Variants in DTL observed in about 807,000 individuals in gnomAD.
DTL encodes denticleless protein homolog.
DTL carries 46 observed loss-of-function variants against 87.0 expected under a neutral mutation model. The ratio of observed to expected loss-of-function variants is 0.53; its 90% CI spans 0.42 to 0.68. The LOEUF is 0.68. DTL is among the 30% of genes least tolerant of loss of function. The pLI is 0.00. For missense variants in DTL, 737 were observed against 869.4 expected (o/e 0.85, Z 1.91); for synonymous variants, 308 against 311.2 (o/e 0.99, Z 0.11).
At chr1:212,039,804 G>T (rs1476698111) in intron 1 of DTL, among the ~76,000 whole-genome samples, 2 of 152,184 alleles carry the variant, frequency 1.3e-5, no homozygotes, top group Non-Finnish European at 2.9e-5. Context: ...AAAAGGTTCA[G>T]TAAAAATAGG....
intron 3 of DTL, among the ~76,000 whole-genome samples, chr1:212,045,924 T>TTTG (rs10636026): frequency 0.36 from 54,896 of 150,646 alleles, 10,749 homozygotes; most frequent in Middle Eastern, 0.46. Context: ...TGTTTTTGGT[T>TTTG]TTGTTGTTGT....
chr1:212,039,351 G>T (rs183336849), intron 1 of DTL, among the ~76,000 whole-genome samples: 5 of 152,202 alleles, frequency 3.3e-5, no homozygotes, highest in Admixed American at 2.0e-4. Context: ...CTTAGTTAAG[G>T]TTCCACCAGT....
chr1:212,072,275 G>T, intron 11 of DTL, 62 bp downstream of exon 11: 2 of 1,278,700 alleles, frequency 1.6e-6, no homozygotes, highest in South Asian at 2.4e-5. Context: ...TATTTGTTCT[G>T]TCCAATATGA....
chr1:212,044,620 T>G, intron 2 of DTL, 40 bp from the exon 3 acceptor site: 1 of 1,251,290 alleles, frequency 8.0e-7, no homozygotes. Context: ...AAAAAAAAAT[T>G]GTGTTACTCT....
At chr1:212,089,177 A>C (rs527276651) in intron 13 of DTL, among the ~76,000 whole-genome samples, 1 of 152,362 alleles carries the variant, frequency 6.6e-6, no homozygotes, top group South Asian at 2.1e-4. Flanking sequence ...GCAATAACTC[A>C]GTCTATGCTA....
intron 5 of DTL, among the ~76,000 whole-genome samples, chr1:212,055,613 G>A (rs61828544): frequency 5.3e-5 from 8 of 152,144 alleles, no homozygotes; most frequent in Non-Finnish European, 1.0e-4. Context: ...CAGGGCAGAG[G>A]TGTAAGCAAA....
intron 5 of DTL, among the ~76,000 whole-genome samples, chr1:212,058,807 A>G (rs1668253543): frequency 6.6e-6 from 1 of 152,042 alleles, no homozygotes; most frequent in African/African-American, 2.4e-5. Flanking sequence ...CTAACCACGA[A>G]AAAAAAGAAA....
At chr1:212,102,378 C>T (rs775030187) in intron 14 of DTL, among the ~76,000 whole-genome samples, 1 of 151,908 alleles carries the variant, frequency 6.6e-6, no homozygotes, top group Non-Finnish European at 1.5e-5. Context: ...ATCTTAAAAT[C>T]TTTAAAAAGT....
intron 2 of DTL, among the ~76,000 whole-genome samples, 179 bp from the exon 3 acceptor site, chr1:212,044,481 G>A (rs1450386692): frequency 6.6e-6 from 1 of 152,050 alleles, no homozygotes; most frequent in African/African-American, 2.4e-5. Flanking sequence ...GCGCATGCCT[G>A]TAATCCCACC....
At position 212,103,494 on chromosome 1, in the gene DTL, T is replaced by A. The variant is rs965976351; in HGVS notation, c.*554T>A. On this transcript the variant is annotated 3_prime_UTR_variant, in exon 15 of 15. Coordinates refer to ENST00000366991, the MANE Select transcript of DTL (RefSeq NM_016448.4). ...AAAATGTGATGCTCAGATAAGTACA[T>A]TTATATCAGTTCAGTGTTAAAATGC... 6.6e-6 allele frequency: 1 copy of A among 152,258 alleles called. No individual in the cohort carries two copies. The highest frequency in any genetic ancestry group is 2.4e-5 in the African/African-American group (1 of 41,468). 9.4% of individuals were successfully genotyped at this position (152,258 alleles called of 1,614,324 possible).
intron 13 of DTL, among the ~76,000 whole-genome samples, chr1:212,096,970 A>G (rs984524731): frequency 3.3e-5 from 5 of 152,072 alleles, no homozygotes; most frequent in African/African-American, 1.2e-4. Flanking sequence ...ATGAGATTCT[A>G]TTTTTGTGTA....
intron 13 of DTL, among the ~76,000 whole-genome samples, chr1:212,087,511 C>G (rs892272493): frequency 6.6e-6 from 1 of 151,694 alleles, no homozygotes; most frequent in Non-Finnish European, 1.5e-5. Flanking sequence ...GATCACGCCA[C>G]TGCACTCCAG....
At chr1:212,060,299 T>C (rs1015037787) in intron 5 of DTL, among the ~76,000 whole-genome samples, 2 of 152,016 alleles carry the variant, frequency 1.3e-5, no homozygotes, top group Admixed American at 6.6e-5. Flanking sequence ...TGGAACAGAA[T>C]AGAGAATTCA....
Position 212,080,607 on chromosome 1 carries a change from C to T in DTL, c.1126-8C>T. ...TTTCTTAATTCCCTTCTTGGTACTC[C>T]CTCTTAGATTGCTACCTGTTCTGAT... On this transcript the variant is annotated splice_region_variant and splice_polypyrimidine_tract_variant and intron_variant, in intron 12 of 14. Transcript: ENST00000366991. 1.9e-6 allele frequency: 3 copies of T among 1,600,420 alleles called. No individual in the cohort carries two copies. The highest frequency in any genetic ancestry group is 2.6e-6 in the Non-Finnish European group (3 of 1,174,584).
chr1:212,069,779 C>T (rs563182022), intron 10 of DTL, among the ~76,000 whole-genome samples: 1 of 151,916 alleles, frequency 6.6e-6, no homozygotes. Context: ...CTCCTGACCT[C>T]ATGATCCACC....
chr1:212,059,534 G>A (rs145095667), intron 5 of DTL, among the ~76,000 whole-genome samples: 1 of 151,922 alleles, frequency 6.6e-6, no homozygotes, highest in African/African-American at 2.4e-5. Context: ...ACATAAAAAG[G>A]CTGTATATGA....
intron 11 of DTL, among the ~76,000 whole-genome samples, chr1:212,076,288 T>G (rs536968482): frequency 1.6e-4 from 25 of 152,172 alleles, no homozygotes; most frequent in Non-Finnish European, 3.1e-4. Context: ...CTGAGGAAAC[T>G]TCCCCCCACT....
At chr1:212,066,747 TG>T in intron 7 of DTL, 64 bp from the exon 8 acceptor site, 1 of 1,508,266 alleles carries the variant, frequency 6.6e-7, no homozygotes, top group Non-Finnish European at 9.2e-7. Context: ...TTTAGCACCT[TG>T]TTCCCTTGAT....
At position 212,060,008 on chromosome 1, in the gene DTL, G is replaced by A. The variant is rs182479557; in HGVS notation, c.461-2876G>A. Among the ~76,000 whole-genome samples the A allele has an allele frequency of 7.2e-5, 11 of 152,128 alleles. No individual in the cohort carries two copies. The East Asian group carries it at 1.4e-3, about 19-fold the overall frequency. ...CCTCTATAAGGAAAAGTATGAAACCGATCAAAGAAATTGAAGAGGAGACAA... is the reference window on the plus strand; with the variant it reads ...CCTCTATAAGGAAAAGTATGAAACCAATCAAAGAAATTGAAGAGGAGACAA... On this transcript the variant is annotated intron_variant, in intron 5 of 14. Transcript: ENST00000366991.
Sources: gnomAD v4.1 joint callset for allele counts (sites outside exome capture counted in the v4.1 genomes callset) on GRCh38, gnomAD v4.1.1 for gene constraint, MANE v1.5 for transcripts, NCBI Gene and HGNC (gene_info 2026-07-23, HGNC 2026-07-21) for gene names.